The following SEPTIN8 variants were observed in gnomAD, a reference collection of about 807,000 sequenced individuals.
SEPTIN8 encodes septin 8.
SEPTIN8 carries 22 observed loss-of-function variants against 53.1 expected under a neutral mutation model. That is an observed-to-expected ratio of 0.41 (90% CI 0.30 to 0.59). SEPTIN8 has a LOEUF of 0.59. Among genes scored for constraint, SEPTIN8 ranks in the 20% least tolerant of loss-of-function variants. SEPTIN8 has a pLI of 0.24. For synonymous variants in SEPTIN8, 228 were observed against 248.4 expected (o/e 0.92, Z 0.77); for missense variants, 536 against 638.7 (o/e 0.84, Z 1.73).
At chr5:132,757,152 C>T in intron 9 of SEPTIN8, 2 of 974,634 alleles carry the variant, frequency 2.1e-6, no homozygotes, top group Non-Finnish European at 2.4e-6. Flanking sequence ...CCTTCCAAGA[C>T]CCTGTACCTA....
chr5:132,756,514 ACT>A (rs1393023307), intron 9 of SEPTIN8: 4 of 985,418 alleles, frequency 4.1e-6, no homozygotes, highest in East Asian at 1.1e-4. Context: ...GGTAAATGAG[ACT>A]CTGCAGACAG....
At chr5:132,755,409 ACTC>A (rs553817405) in intron 9 of SEPTIN8, among the ~76,000 whole-genome samples, 45 of 151,866 alleles carry the variant, frequency 3.0e-4, no homozygotes, top group African/African-American at 8.9e-4. Context: ...CACTTTCACT[ACTC>A]TTCCATCATT....
Position 132,751,557 on chromosome 5 carries a change from A to T in SEPTIN8, c.*459T>A, listed in dbSNP as rs1258122359. On this transcript the variant is annotated 3_prime_UTR_variant, in exon 10 of 10. Coordinates refer to ENST00000378719, the MANE Select transcript of SEPTIN8 (RefSeq NM_001098811.2). ...GGGTTTTGGTTTGTTATGAAGCATG[A>T]AGATTAAATTACTAAAGACTGTTTC... is the stretch of plus-strand genomic sequence containing the variant. 5 of 231,172 alleles carry T rather than the reference A, an allele frequency of 2.2e-5. No individual in the cohort carries two copies. The highest frequency in any genetic ancestry group is 4.2e-5 in the Non-Finnish European group (5 of 118,934). 14.3% of individuals were successfully genotyped at this position (231,172 alleles called of 1,614,324 possible). A position where few individuals can be genotyped will look rare whatever the true frequency, so the allele number is the denominator to read the frequency against.
Position 132,760,460 on chromosome 5 carries a change from G to T in SEPTIN8, c.1286+342C>A, listed in dbSNP as rs939770095. ...GGCCACAGCTGCCAAGGGGGCTATG[G>T]GAGAGCGAATGGGTGAGCAAGAAAG... On this transcript the variant is annotated intron_variant, in intron 9 of 9. Transcript: ENST00000378719. The surrounding 1 kb of genome is among the most constrained non-coding windows in gnomAD (Gnocchi z 5.2). Among the ~76,000 whole-genome samples, 2 of 152,088 alleles carry T rather than the reference G, an allele frequency of 1.3e-5. No homozygotes were observed. The highest frequency in any genetic ancestry group is 2.9e-5 in the Non-Finnish European group (2 of 68,024).
In SEPTIN8 at chr5:132,761,491, A is replaced by C; in HGVS notation, c.929T>G (p.Phe310Cys). 2 of 1,613,272 alleles carry C rather than the reference A, an allele frequency of 1.2e-6. No homozygotes were observed. The highest frequency in any genetic ancestry group is 1.7e-6 in the Non-Finnish European group (2 of 1,179,944). Residue 310 changes from phenylalanine (F) to cysteine (C), a missense_variant, in exon 7 of 10, where the codon TTT (phenylalanine) becomes TGT (cysteine). Phe to Cys is a radical substitution (Grantham distance 205). Around this residue, in one of 3 missense-constraint regions of SEPTIN8, gnomAD observed 395 missense variants for 451.8 expected, o/e 0.87. Coordinates refer to ENST00000378719, the MANE Select transcript of SEPTIN8 (RefSeq NM_001098811.2). The surrounding 1 kb of genome is among the most constrained non-coding windows in gnomAD (Gnocchi z 5.8). ...YRRCKLEEMGFQDSDGDSQPF... is the reference protein window; with the variant it reads ...YRRCKLEEMGCQDSDGDSQPF... ...CTGGCTGTCACCATCGCTGTCCTGA[A>C]AGCCCATCTCCTCCAACTTGCAGCG...
At position 132,764,358 on chromosome 5, in the gene SEPTIN8, A is replaced by ATG. The variant is rs1374285275; in HGVS notation, c.212_213insCA (p.Glu72MetfsTer29). Reference sequence around the variant, plus strand: ...ATGCCTCATGGTGACTGGCTTCCTCAGTCTCGAAGGTCGTGTTGAAGAGTG... The same window carrying ATG: ...ATGCCTCATGGTGACTGGCTTCCTCATGGTCTCGAAGGTCGTGTTGAAGAGTG... On this transcript the variant is annotated frameshift_variant, in exon 3 of 10. Coordinates refer to ENST00000378719, the MANE Select transcript of SEPTIN8 (RefSeq NM_001098811.2). LOFTEE classifies it high-confidence loss of function. The ATG allele has an allele frequency of 1.2e-6, 2 of 1,613,756 alleles. No homozygotes were observed. Among genetic ancestry groups the ATG allele is most frequent in the African/African-American group, 1.3e-5 (1 of 74,826 alleles).
In SEPTIN8 at chr5:132,764,448, G is replaced by A. The variant is rs111686874; in HGVS notation, c.152-29C>T. 6,045 of 1,584,262 alleles carry A rather than the reference G, an allele frequency of 3.8e-3. 145 individuals carry two copies. In the African/African-American group the frequency reaches 0.055, roughly 14 times the overall value. The stretch of plus-strand genomic sequence containing the variant: ...GGCAGTGAGGACAGGAGGGGAAGAA[G>A]TGGGTGTCATAGGCTGGAAATGGGC... On this transcript the variant is annotated intron_variant, in intron 2 of 9. Transcript: ENST00000378719.
upstream of SEPTIN8, among the ~76,000 whole-genome samples, chr5:132,779,385 C>T (rs571520973): frequency 3.3e-4 from 51 of 152,340 alleles, no homozygotes; most frequent in African/African-American, 1.2e-3. Flanking sequence ...GTTCCATACA[C>T]AGACAGGGTT....
At chr5:132,752,282 C>T in intron 9 of SEPTIN8, 101 bp from the exon 10 acceptor site, 1 of 1,379,966 alleles carries the variant, frequency 7.2e-7, no homozygotes, top group Non-Finnish European at 9.7e-7. Flanking sequence ...ACCCTTTGCC[C>T]TTGTAGCCTC....
chr5:132,752,961 TG>T, intron 9 of SEPTIN8: 1 of 1,613,886 alleles, frequency 6.2e-7, no homozygotes, highest in Non-Finnish European at 8.5e-7. Context: ...TTGTGTCACC[TG>T]CCAACTAGCC....
At chr5:132,757,131 T>A (rs1352707473) in intron 9 of SEPTIN8, 4 of 981,648 alleles carry the variant, frequency 4.1e-6, no homozygotes, top group East Asian at 1.1e-4. Flanking sequence ...GGAAGCTTAA[T>A]CTTCAGGGCC....
intron 3 of SEPTIN8, 94 bp downstream of exon 3, chr5:132,764,130 G>T: frequency 7.6e-7 from 1 of 1,321,548 alleles, no homozygotes; most frequent in Non-Finnish European, 1.0e-6. Flanking sequence ...GCCCTCCCTG[G>T]CCCCCTGCAG....
upstream of SEPTIN8, chr5:132,777,532 G>C: frequency 1.0e-6 from 1 of 956,380 alleles, no homozygotes; most frequent in Non-Finnish European, 1.2e-6. The surrounding 1 kb of genome is among the most constrained non-coding windows in gnomAD (Gnocchi z 4.1). Flanking sequence ...GCCTGGGGCC[G>C]AGCCTAGGTG....
At chr5:132,752,854 A>C in intron 9 of SEPTIN8, 2 of 1,610,300 alleles carry the variant, frequency 1.2e-6, no homozygotes, top group Non-Finnish European at 1.7e-6. Flanking sequence ...TGGCCACTCT[A>C]TTCTAATACA....
chr5:132,769,136 C>T (rs556292253), intron 1 of SEPTIN8, among the ~76,000 whole-genome samples: 1 of 152,322 alleles, frequency 6.6e-6, no homozygotes, highest in East Asian at 1.9e-4. Flanking sequence ...AAGTGATTTA[C>T]ACCCAGGCTC....
intron 1 of SEPTIN8, among the ~76,000 whole-genome samples, chr5:132,767,300 T>C (rs1042351809): frequency 2.0e-5 from 3 of 152,104 alleles, no homozygotes; most frequent in African/African-American, 7.2e-5. Context: ...GCCCTTAGCA[T>C]GGTGTTCCAG....
chr5:132,770,002 T>TATAC (rs1757034882), intron 1 of SEPTIN8, among the ~76,000 whole-genome samples: 1 of 48,494 alleles, frequency 2.1e-5, no homozygotes, highest in Admixed American at 2.6e-4. Context: ...TATATATATA[T>TATAC]ATATATATAT....
At chr5:132,778,213 A>C (rs907545220), upstream of SEPTIN8, 3 of 560,038 alleles carry the variant, frequency 5.4e-6, no homozygotes, top group African/African-American at 4.1e-5. Context: ...CTTTCTGGGA[A>C]TGTGGCAAGG....
upstream of SEPTIN8, among the ~76,000 whole-genome samples, chr5:132,778,479 G>A (rs919259739): frequency 6.6e-6 from 1 of 152,158 alleles, no homozygotes; most frequent in Non-Finnish European, 1.5e-5. Context: ...TGTCCCCAAG[G>A]TGGACTGACT....
Sources: gnomAD v4.1 joint callset for allele counts (sites outside exome capture counted in the v4.1 genomes callset) on GRCh38, gnomAD v4.1.1 for gene constraint, gnomAD v4.1.1 regional missense constraint, Gnocchi (gnomAD v3.1) non-coding constraint, MANE v1.5 for transcripts, NCBI Gene and HGNC (gene_info 2026-07-23, HGNC 2026-07-21) for gene names.